ITPR1: variants seen among roughly 807,000 people sequenced by gnomAD.
ITPR1 encodes the protein inositol 1,4,5-trisphosphate-gated calcium channel ITPR1.
Under a neutral mutation model 318.4 loss-of-function variants are expected in ITPR1, and 96 were observed. That is an observed-to-expected ratio of 0.30 (90% CI 0.26 to 0.36). The LOEUF (loss-of-function observed/expected upper bound fraction) is 0.36. ITPR1 is among the 10% of genes least tolerant of loss of function. ITPR1 has a pLI of 1.00. For synonymous variants in ITPR1, 1,312 were observed against 1,289.9 expected (o/e 1.02, Z -0.37); for missense variants, 2,440 against 3,460.2 (o/e 0.71, Z 7.40).
intron 44 of ITPR1, among the ~76,000 whole-genome samples, chr3:4,757,527 T>C (rs2045094890): frequency 6.6e-6 from 1 of 152,122 alleles, no homozygotes; most frequent in Non-Finnish European, 1.5e-5. Flanking sequence ...GGACAGACTC[T>C]TGCTCAGGGG....
chr3:4,727,197 A>G, intron 42 of ITPR1, 24 bp downstream of exon 42: 4 of 1,558,080 alleles, frequency 2.6e-6, no homozygotes, highest in Non-Finnish European at 3.5e-6. Flanking sequence ...AGTCTTGGGT[A>G]TCGGGAGCTA....
intron 61 of ITPR1, among the ~76,000 whole-genome samples, chr3:4,840,449 A>G: frequency 6.6e-6 from 1 of 152,170 alleles, no homozygotes; most frequent in East Asian, 1.9e-4. Flanking sequence ...TCCATTACTT[A>G]GAGGTTTTTT....
chr3:4,502,672 C>A (rs2081107894), intron 2 of ITPR1, among the ~76,000 whole-genome samples: 1 of 151,992 alleles, frequency 6.6e-6, no homozygotes, highest in Non-Finnish European at 1.5e-5. Flanking sequence ...ATCTCTTGAC[C>A]TCATGACCTG....
intron 4 of ITPR1, among the ~76,000 whole-genome samples, chr3:4,595,243 G>A (rs1312779224): frequency 1.3e-5 from 2 of 152,318 alleles, no homozygotes; most frequent in East Asian, 1.9e-4. Flanking sequence ...CATGATGCTG[G>A]CATCTGCTCG....
At chr3:4,684,468 G>C (rs2094355795) in intron 29 of ITPR1, 122 bp downstream of exon 29, 1 of 696,580 alleles carries the variant, frequency 1.4e-6, no homozygotes, top group African/African-American at 1.8e-5. Flanking sequence ...GTTTAACAGG[G>C]AGAAAGTAGA....
intron 4 of ITPR1, among the ~76,000 whole-genome samples, chr3:4,580,416 G>C (rs1285196671): frequency 6.6e-6 from 1 of 152,146 alleles, no homozygotes. Flanking sequence ...CTCTCAAAGT[G>C]GGGGCAGGAC....
At chr3:4,732,412 C>G (rs564817158) in intron 42 of ITPR1, among the ~76,000 whole-genome samples, 23 of 152,278 alleles carry the variant, frequency 1.5e-4, no homozygotes, top group African/African-American at 5.1e-4. Context: ...CACTTATATC[C>G]CTCGCTGCTT....
At chr3:4,844,256 G>A (rs2051587314) in intron 61 of ITPR1, among the ~76,000 whole-genome samples, 1 of 151,766 alleles carries the variant, frequency 6.6e-6, no homozygotes, top group African/African-American at 2.4e-5. Context: ...CAAGTAGCTG[G>A]GACTACAGGT....
intron 51 of ITPR1, among the ~76,000 whole-genome samples, chr3:4,786,043 G>C (rs564547917): frequency 6.6e-6 from 1 of 152,282 alleles, no homozygotes; most frequent in South Asian, 2.1e-4. Context: ...GGTAGCCCTG[G>C]AGTCTAGAAC....
intron 5 of ITPR1, among the ~76,000 whole-genome samples, chr3:4,633,918 A>C (rs1183667328): frequency 3.3e-5 from 5 of 152,224 alleles, no homozygotes; most frequent in African/African-American, 4.8e-5. Flanking sequence ...TACATGATTC[A>C]GAGCTTGTTG....
intron 60 of ITPR1, among the ~76,000 whole-genome samples, chr3:4,832,628 C>A (rs560268247): frequency 6.6e-6 from 1 of 152,208 alleles, no homozygotes; most frequent in South Asian, 2.1e-4. Flanking sequence ...CACCAAGACT[C>A]CGTCTCAAAA....
At chr3:4,644,296 C>A in intron 8 of ITPR1, 62 bp downstream of exon 8, 1 of 1,114,034 alleles carries the variant, frequency 9.0e-7, no homozygotes, top group South Asian at 1.4e-5. Context: ...CTGGCAGGCG[C>A]CAGTGCATGC....
chr3:4,626,877 GGT>G (rs2092845036), intron 4 of ITPR1, among the ~76,000 whole-genome samples: 1 of 152,154 alleles, frequency 6.6e-6, no homozygotes, highest in African/African-American at 2.4e-5. Flanking sequence ...GGAGTGCGGT[GGT>G]GTGATCTTGG....
In ITPR1 at chr3:4,549,837, A is replaced by G. The variant is rs890905958; in HGVS notation, c.163+28743A>G. On this transcript the variant is annotated intron_variant, in intron 4 of 61. Transcript: ENST00000649015. ...CTCTGCATATTCTCCCATGGAGGTG[A>G]TTCTGACTCAGGAAATGCCCCCACA... Among the ~76,000 whole-genome samples the G allele has an allele frequency of 5.3e-5, 8 of 152,134 alleles. No homozygotes were observed. In the East Asian group the frequency reaches 9.6e-4, roughly 18 times the overall value.
At chr3:4,771,119 T>C (rs938933081) in intron 46 of ITPR1, among the ~76,000 whole-genome samples, 6 of 152,214 alleles carry the variant, frequency 3.9e-5, no homozygotes, top group African/African-American at 1.4e-4. Context: ...GTTGAGATGA[T>C]GCCCAGGCAT....
intron 47 of ITPR1, among the ~76,000 whole-genome samples, chr3:4,776,075 A>G (rs1237715895): frequency 1.3e-5 from 2 of 151,942 alleles, no homozygotes; most frequent in South Asian, 2.1e-4. Flanking sequence ...GTTGAGTATG[A>G]TGTTTTGTTT....
intron 60 of ITPR1, among the ~76,000 whole-genome samples, chr3:4,821,565 A>C (rs2049720982): frequency 6.6e-6 from 1 of 152,208 alleles, no homozygotes; most frequent in East Asian, 1.9e-4. Context: ...GGAAAGAATG[A>C]CATTTGACGA....
At position 4,779,765 on chromosome 3, in the gene ITPR1, G is replaced by A. The variant is rs775119050; in HGVS notation, c.6387+120G>A. The A allele has an allele frequency of 1.6e-6, 1 of 626,704 alleles. No individual in the cohort carries two copies. The highest frequency in any genetic ancestry group is 2.8e-6 in the Non-Finnish European group (1 of 352,620). 38.8% of individuals were successfully genotyped at this position (626,704 alleles called of 1,614,324 possible). ...GGTTCCCAAAGTCAGAAGTATAAAGGGAACATTGAATTCAGGCCTCTGACT... is the reference window on the plus strand; with the variant it reads ...GGTTCCCAAAGTCAGAAGTATAAAGAGAACATTGAATTCAGGCCTCTGACT... On this transcript the variant is annotated intron_variant, in intron 49 of 61. Coordinates refer to ENST00000649015, the MANE Select transcript of ITPR1 (RefSeq NM_001378452.1). The surrounding 1 kb of genome is among the most constrained non-coding windows in gnomAD (Gnocchi z 4.0).
At chr3:4,660,837 T>A in intron 13 of ITPR1, 151 bp from the exon 14 acceptor site, 12 of 414,426 alleles carry the variant, frequency 2.9e-5, no homozygotes, top group Admixed American at 8.2e-5. Flanking sequence ...GGCTTGGACC[T>A]GGACCATTTG....
Sources: allele counts gnomAD v4.1 joint callset (sites outside exome capture counted in the v4.1 genomes callset), GRCh38; gene constraint gnomAD v4.1.1; non-coding constraint Gnocchi (gnomAD v3.1); transcripts MANE v1.5; gene names NCBI Gene and HGNC (gene_info 2026-07-23, HGNC 2026-07-21).